Variants in RANBP3 observed in about 807,000 individuals in gnomAD.
RANBP3 encodes ran-binding protein 3.
In RANBP3, 14 loss-of-function variants were observed where a neutral mutation model predicts 77.3. The ratio of observed to expected loss-of-function variants is 0.18; its 90% CI spans 0.12 to 0.28. RANBP3 has a LOEUF of 0.28. Among genes scored for constraint, RANBP3 ranks in the 10% least tolerant of loss-of-function variants. RANBP3 has a pLI of 1.00. For missense variants in RANBP3, 586 were observed against 752.3 expected (o/e 0.78, Z 2.59); for synonymous variants, 315 against 312.4 (o/e 1.01, Z -0.09).
At position 5,916,269 on chromosome 19, in the gene RANBP3, T is replaced by C. The variant is rs1467284448; in HGVS notation, c.*1341A>G. 2 of 152,270 alleles carry C rather than the reference T, an allele frequency of 1.3e-5. No homozygotes were observed. Among genetic ancestry groups the C allele is most frequent in the Admixed American group, 6.5e-5 (1 of 15,286 alleles). The allele number at this position is 152,270 out of a possible 1,614,324, so 9.4% of individuals were successfully genotyped here. A position where few individuals can be genotyped will look rare whatever the true frequency, so the allele number is the denominator to read the frequency against. On this transcript the variant is annotated 3_prime_UTR_variant, in exon 17 of 17. Coordinates refer to ENST00000340578, the MANE Select transcript of RANBP3 (RefSeq NM_007322.3). ...GGCTAAGGCTTAAAGCAGAGACGTG[T>C]GACTGGGTCTCTCGGGAGGGCCTCT...
intron 14 of RANBP3, among the ~76,000 whole-genome samples, chr19:5,919,802 G>A (rs574526448): frequency 2.6e-5 from 4 of 151,806 alleles, no homozygotes; most frequent in African/African-American, 9.7e-5. Context: ...TCGGGAGGCC[G>A]AGGCAGGAGA....
intron 2 of RANBP3, among the ~76,000 whole-genome samples, chr19:5,957,643 T>A (rs1310463089): frequency 6.6e-6 from 1 of 150,944 alleles, no homozygotes; most frequent in Non-Finnish European, 1.5e-5. Flanking sequence ...AAACAAATCA[T>A]CAGGAATTAG....
chr19:5,921,408 G>T lies in RANBP3; in HGVS notation c.1210-87C>A. 6.5e-7 allele frequency: 1 copy of T among 1,542,578 alleles called. No homozygotes were observed. On this transcript the variant is annotated intron_variant, in intron 13 of 16. Coordinates refer to ENST00000340578, the MANE Select transcript of RANBP3 (RefSeq NM_007322.3). The surrounding 1 kb of genome is among the most constrained non-coding windows in gnomAD (Gnocchi z 5.3). ...CTGAGAGTCGCCCTTTAGCCTGTGG[G>T]GACTGCCAGGGCCAGCCAACGACGG...
intron 14 of RANBP3, among the ~76,000 whole-genome samples, chr19:5,919,008 G>A (rs1187121607): frequency 6.6e-6 from 1 of 152,230 alleles, no homozygotes; most frequent in African/African-American, 2.4e-5. Flanking sequence ...AGGAGTACGG[G>A]GTGGGCTGCG....
chr19:5,969,653 C>T (rs2058508069), intron 1 of RANBP3, among the ~76,000 whole-genome samples: 2 of 152,238 alleles, frequency 1.3e-5, no homozygotes, highest in Non-Finnish European at 1.5e-5. Context: ...CAAGCATGAA[C>T]TCCTAGACTC....
intron 1 of RANBP3, among the ~76,000 whole-genome samples, chr19:5,964,297 AG>A (rs1323420431): frequency 6.6e-6 from 1 of 152,074 alleles, no homozygotes; most frequent in Non-Finnish European, 1.5e-5. Context: ...GGAACCCCTT[AG>A]ACCTGCTTGG....
At chr19:5,976,156 T>A (rs765351371) in intron 1 of RANBP3, among the ~76,000 whole-genome samples, 1 of 152,060 alleles carries the variant, frequency 6.6e-6, no homozygotes, top group African/African-American at 2.4e-5. Context: ...CCAGAAGAAT[T>A]CAAAGAATGG....
At chr19:5,957,642 A>T (rs1213146751) in intron 2 of RANBP3, among the ~76,000 whole-genome samples, 1 of 151,310 alleles carries the variant, frequency 6.6e-6, no homozygotes, top group Non-Finnish European at 1.5e-5. Flanking sequence ...CAAACAAATC[A>T]TCAGGAATTA....
chr19:5,963,568 A>C (rs1568478360), intron 1 of RANBP3, among the ~76,000 whole-genome samples: 1 of 152,216 alleles, frequency 6.6e-6, no homozygotes, highest in African/African-American at 2.4e-5. Context: ...GAGAGAAAGG[A>C]AAGAAACTCA....
At chr19:5,962,609 C>A (rs2058417612) in intron 1 of RANBP3, 1 of 454,460 alleles carries the variant, frequency 2.2e-6, no homozygotes, top group Non-Finnish European at 4.4e-6. Context: ...TGAACTTGGC[C>A]CATCTCGGCC....
intron 3 of RANBP3, among the ~76,000 whole-genome samples, chr19:5,942,468 G>C (rs1305440275): frequency 1.3e-5 from 2 of 152,116 alleles, no homozygotes. Flanking sequence ...TTTAGAGTGT[G>C]AACAACCAGC....
At chr19:5,956,560 A>T (rs1202975929) in intron 2 of RANBP3, among the ~76,000 whole-genome samples, 1 of 152,234 alleles carries the variant, frequency 6.6e-6, no homozygotes, top group Non-Finnish European at 1.5e-5. Context: ...GGAAAGTTTC[A>T]TGAGTTAAAG....
chr19:5,927,834 A>G lies in RANBP3; in HGVS notation c.813+134T>C, dbSNP rs557666921. 4 of 1,189,566 alleles carry G rather than the reference A, an allele frequency of 3.4e-6. No individual in the cohort carries two copies. The East Asian group carries it at 1.0e-4, about 31-fold the overall frequency. The allele number at this position is 1,189,566 out of a possible 1,614,324, so 73.7% of individuals were successfully genotyped here. On this transcript the variant is annotated intron_variant, in intron 9 of 16. Coordinates refer to ENST00000340578, the MANE Select transcript of RANBP3 (RefSeq NM_007322.3). ...CCAGCAGCAGACTGTGCCGTGAGCCATGGGGCTGCCTCGCTAACACCTTCT... is the reference window on the plus strand; with the variant it reads ...CCAGCAGCAGACTGTGCCGTGAGCCGTGGGGCTGCCTCGCTAACACCTTCT...
At chr19:5,957,410 A>G (rs369988168) in intron 2 of RANBP3, among the ~76,000 whole-genome samples, 6 of 152,270 alleles carry the variant, frequency 3.9e-5, no homozygotes, top group East Asian at 1.9e-4. Flanking sequence ...CACGGGATAA[A>G]TATATAATGC....
chr19:5,954,391 A>G (rs574968546), intron 2 of RANBP3, among the ~76,000 whole-genome samples: 2 of 152,282 alleles, frequency 1.3e-5, no homozygotes, highest in African/African-American at 4.8e-5. Context: ...ATATTACTGA[A>G]TTAACATTTT....
chr19:5,960,033 G>A (rs1298914222), intron 1 of RANBP3, among the ~76,000 whole-genome samples: 1 of 152,106 alleles, frequency 6.6e-6, no homozygotes, highest in African/African-American at 2.4e-5. Context: ...CAGGCCTTTC[G>A]CTGGAGATCC....
intron 1 of RANBP3, among the ~76,000 whole-genome samples, chr19:5,972,327 C>CT (rs1279798953): frequency 6.6e-6 from 1 of 152,220 alleles, no homozygotes; most frequent in Non-Finnish European, 1.5e-5. Context: ...TGTGGCAGCT[C>CT]TAAGTGCCAA....
chr19:5,951,273 A>G lies in RANBP3; in HGVS notation c.282+120T>C, dbSNP rs571359899. On this transcript the variant is annotated intron_variant, in intron 3 of 16. Coordinates refer to ENST00000340578, the MANE Select transcript of RANBP3 (RefSeq NM_007322.3). ...TGGAAGAAATCCTTGTCATCTTTTAAGTTACCATTAGCTGCTTACAATTAG... is the reference window on the plus strand; with the variant it reads ...TGGAAGAAATCCTTGTCATCTTTTAGGTTACCATTAGCTGCTTACAATTAG... 78 of 934,552 alleles carry G rather than the reference A, an allele frequency of 8.3e-5. No individual in the cohort carries two copies. In the South Asian group the frequency reaches 9.6e-4, roughly 12 times the overall value. The allele number at this position is 934,552 out of a possible 1,614,324, so 57.9% of individuals were successfully genotyped here. A position where few individuals can be genotyped will look rare whatever the true frequency, so the allele number is the denominator to read the frequency against.
chr19:5,971,178 A>T (rs2058526146), intron 1 of RANBP3, among the ~76,000 whole-genome samples: 1 of 152,242 alleles, frequency 6.6e-6, no homozygotes, highest in Non-Finnish European at 1.5e-5. Context: ...GACAATTTCA[A>T]AATACTTAAG....
Sources: gnomAD v4.1 joint callset for allele counts (sites outside exome capture counted in the v4.1 genomes callset) on GRCh38, gnomAD v4.1.1 for gene constraint, Gnocchi (gnomAD v3.1) non-coding constraint, MANE v1.5 for transcripts, NCBI Gene and HGNC (gene_info 2026-07-23, HGNC 2026-07-21) for gene names.